Variants in OCA2 observed in about 807,000 individuals in gnomAD.
The protein encoded by OCA2 is P protein.
A neutral mutation model predicts 100.2 loss-of-function variants in OCA2; 77 were observed. The ratio of observed to expected loss-of-function variants is 0.77; its 90% confidence interval spans 0.64 to 0.93. The LOEUF (loss-of-function observed/expected upper bound fraction) is 0.93. Among genes scored for constraint, OCA2 ranks in the 40% least tolerant of loss-of-function variants. The pLI is 0.00. For synonymous variants in OCA2, 432 were observed against 439.2 expected, an observed-to-expected ratio of 0.98 and a Z score of 0.21; for missense variants, 1,062 against 1,089.1, an observed-to-expected ratio of 0.98 and a Z score of 0.35.
At position 28,017,844 on chromosome 15, in the gene OCA2, G is replaced by C. The variant is rs575552696; in HGVS notation, c.807+553C>G. On this transcript the variant is annotated intron_variant, in intron 7 of 23. Transcript: ENST00000354638. Reference sequence around the variant, plus strand: ...CAGGGCTCGGGGGAGTCAGGCTTGCGTGGAAGGAGCCCTGCCTCTGGAGTC... The same window carrying C: ...CAGGGCTCGGGGGAGTCAGGCTTGCCTGGAAGGAGCCCTGCCTCTGGAGTC... Among the ~76,000 whole-genome samples the C allele has an allele frequency of 2.0e-5, 3 of 152,170 alleles. No homozygotes were observed. The South Asian group carries it at 6.2e-4, about 31-fold the overall frequency.
the OCA2 span, among the ~76,000 whole-genome samples, chr15:27,746,456 G>A: frequency 1.8e-5 from 2 of 112,524 alleles, no homozygotes; most frequent in East Asian, 4.7e-4. Flanking sequence ...GCAAGACTCT[G>A]TATTAAAAAA....
At chr15:28,016,030 C>T in intron 8 of OCA2, 74 bp downstream of exon 8, 1 of 1,164,750 alleles carries the variant, frequency 8.6e-7, no homozygotes, top group East Asian at 2.3e-5. Flanking sequence ...AAATCAGTGT[C>T]CTATAGGTCA....
At chr15:27,892,378 G>A (rs976136599) in intron 19 of OCA2, among the ~76,000 whole-genome samples, 6 of 151,668 alleles carry the variant, frequency 4.0e-5, no homozygotes, top group South Asian at 2.1e-4. Context: ...CAACTATAAT[G>A]GAATAAAGTT....
chr15:27,868,626 C>G (rs2036422408), intron 21 of OCA2, among the ~76,000 whole-genome samples: 1 of 152,066 alleles, frequency 6.6e-6, no homozygotes, highest in South Asian at 2.1e-4. Flanking sequence ...TGGGTACATT[C>G]CAGGGGCCGT....
At chr15:27,966,974 C>CA in intron 14 of OCA2, 152 bp from the exon 15 acceptor site, 2 of 887,418 alleles carry the variant, frequency 2.3e-6, no homozygotes, top group South Asian at 2.9e-5. Context: ...CTAAAAAATA[C>CA]AAAAAATTAA....
At chr15:27,789,914 G>C (rs1007558395) in intron 23 of OCA2, among the ~76,000 whole-genome samples, 1 of 151,986 alleles carries the variant, frequency 6.6e-6, no homozygotes, top group African/African-American at 2.4e-5. Context: ...AATACTAAAG[G>C]CATGATCCCC....
intron 23 of OCA2, among the ~76,000 whole-genome samples, chr15:27,828,903 G>A (rs2034836581): frequency 6.6e-6 from 1 of 152,200 alleles, no homozygotes; most frequent in South Asian, 2.1e-4. Context: ...GCCCTCTCAA[G>A]CGTGCTAGAA....
chr15:27,890,188 T>C (rs1455680253), intron 19 of OCA2, among the ~76,000 whole-genome samples: 3 of 152,222 alleles, frequency 2.0e-5, no homozygotes, highest in African/African-American at 7.2e-5. Flanking sequence ...AGAGGTGGAA[T>C]GGAGCCTCAG....
intron 23 of OCA2, among the ~76,000 whole-genome samples, chr15:27,833,134 C>T (rs570046113): frequency 9.9e-5 from 15 of 152,262 alleles, no homozygotes; most frequent in Non-Finnish European, 1.6e-4. Context: ...TCTTTAGTTA[C>T]CCCTAAATAT....
intron 19 of OCA2, among the ~76,000 whole-genome samples, chr15:27,908,763 C>T (rs1464682653): frequency 6.6e-6 from 1 of 152,164 alleles, no homozygotes; most frequent in Non-Finnish European, 1.5e-5. Context: ...CCATTAGAGA[C>T]TCAGGTTTTT....
chr15:27,771,300 C>T (rs1401506032), intron 23 of OCA2, among the ~76,000 whole-genome samples: 2 of 151,962 alleles, frequency 1.3e-5, no homozygotes, highest in African/African-American at 4.8e-5. Flanking sequence ...GCGCTACTGC[C>T]ACTCCACGGC....
intron 19 of OCA2, 103 bp from the exon 20 acceptor site, chr15:27,872,025 C>T (rs919802270): frequency 1.2e-6 from 1 of 818,156 alleles, no homozygotes; most frequent in Non-Finnish European, 2.1e-6. Flanking sequence ...ATAAGGTAGG[C>T]CCAGATTCCT....
chr15:27,881,872 C>T (rs542109076), intron 19 of OCA2, among the ~76,000 whole-genome samples: 13 of 152,256 alleles, frequency 8.5e-5, no homozygotes, highest in Non-Finnish European at 1.8e-4. Flanking sequence ...CTAGCTCCTT[C>T]GGCTTCACTC....
At chr15:27,924,931 G>C (rs2038991199) in intron 19 of OCA2, among the ~76,000 whole-genome samples, 1 of 152,002 alleles carries the variant, frequency 6.6e-6, no homozygotes, top group Non-Finnish European at 1.5e-5. Flanking sequence ...AACAAAAGTG[G>C]GCTGAAGTGG....
At position 27,953,485 on chromosome 15, in the gene OCA2, GC is replaced by G. The variant is rs376653232; in HGVS notation, c.1843-1594del. Reference sequence around the variant, plus strand: ...GAAGAATTAGGGCCAAAGGAGCATGGCAGGAAAAAGATTTGAAATGCTCAGA... The same window carrying G: ...GAAGAATTAGGGCCAAAGGAGCATGGAGGAAAAAGATTTGAAATGCTCAGA... On this transcript the variant is annotated intron_variant, in intron 17 of 23. Transcript: ENST00000354638. Among the ~76,000 whole-genome samples, 233 of 152,332 alleles carry G rather than the reference GC, an allele frequency of 1.5e-3. 1 individual carries two copies. Among genetic ancestry groups the G allele is most frequent in the African/African-American group, 5.2e-3 (215 of 41,580 alleles).
At chr15:27,983,143 T>G (rs1289206956) in intron 14 of OCA2, among the ~76,000 whole-genome samples, 9 of 152,124 alleles carry the variant, frequency 5.9e-5, no homozygotes, top group Admixed American at 5.9e-4. Context: ...TCAGAATGAG[T>G]ATGAAGTCAA....
intron 9 of OCA2, among the ~76,000 whole-genome samples, chr15:28,013,145 C>A (rs2141214423): frequency 6.6e-6 from 1 of 152,288 alleles, no homozygotes; most frequent in South Asian, 2.1e-4. Flanking sequence ...GGCCAGACCC[C>A]TGCACACCTG....
intron 2 of OCA2, among the ~76,000 whole-genome samples, chr15:28,071,576 G>A (rs537604832): frequency 2.0e-5 from 3 of 152,234 alleles, no homozygotes; most frequent in Admixed American, 1.3e-4. Context: ...CAGACACACA[G>A]ACCACTGGAA....
chr15:27,851,598 G>A (rs749316087), intron 21 of OCA2, 123 bp from the exon 22 acceptor site: 19 of 854,852 alleles, frequency 2.2e-5, no homozygotes, highest in Non-Finnish European at 2.3e-5. Flanking sequence ...CATAAGATTT[G>A]TGGAAAGAAA....
Sources: gnomAD v4.1 joint callset for allele counts (sites outside exome capture counted in the v4.1 genomes callset) on GRCh38, gnomAD v4.1.1 for gene constraint, MANE v1.5 for transcripts, NCBI Gene and HGNC (gene_info 2026-07-23, HGNC 2026-07-21) for gene names.